UBE2QL1: variants seen among roughly 807,000 people sequenced by gnomAD.
UBE2QL1 encodes ubiquitin conjugating enzyme E2 QL1, also known as ubiquitin-conjugating enzyme E2Q-like protein 1.
UBE2QL1 carries 5 observed loss-of-function variants against 12.6 expected under a neutral mutation model. The ratio of observed to expected loss-of-function variants is 0.40; its 90% CI spans 0.21 to 0.83. The LOEUF (loss-of-function observed/expected upper bound fraction) is 0.83, where lower values mean the gene tolerates loss of function less well. Among genes scored for constraint, UBE2QL1 ranks in the 40% least tolerant of loss-of-function variants. The pLI is 0.37. For missense variants in UBE2QL1, 99 were observed against 222.6 expected (o/e 0.44, Z 3.53); for synonymous variants, 96 against 94.5 (o/e 1.02, Z -0.10).
chr5:6,486,935 G>C (rs1407582698), intron 1 of UBE2QL1, among the ~76,000 whole-genome samples: 1 of 152,138 alleles, frequency 6.6e-6, no homozygotes, highest in African/African-American at 2.4e-5. Flanking sequence ...CCTGGCCCAA[G>C]ATGCCAACAA....
At chr5:6,475,726 G>A (rs1734214854) in intron 1 of UBE2QL1, among the ~76,000 whole-genome samples, 3 of 152,076 alleles carry the variant, frequency 2.0e-5, no homozygotes, top group Middle Eastern at 6.8e-3. Context: ...TGCTGGAGGA[G>A]GCAGGGTCAT....
chr5:6,449,769 G>C (rs1338000076), intron 1 of UBE2QL1, among the ~76,000 whole-genome samples: 1 of 147,808 alleles, frequency 6.8e-6, no homozygotes, highest in Non-Finnish European at 1.5e-5. Context: ...TCTCTTGTCT[G>C]CTCCTCAATC....
rs149825299 is a variant in UBE2QL1, at chr5:6,465,069, C to T, written c.354+15822C>T. Reference sequence around the variant, plus strand: ...GTGCACAATCTCGGCTCATTGCAACCTCTGCCTCCTGGCTTTAAGCAATTT... The same window carrying T: ...GTGCACAATCTCGGCTCATTGCAACTTCTGCCTCCTGGCTTTAAGCAATTT... On this transcript the variant is annotated intron_variant, in intron 1 of 1. Transcript: ENST00000399816. Among the ~76,000 whole-genome samples, 42 of 151,986 alleles carry T rather than the reference C, an allele frequency of 2.8e-4. 1 individual carries two copies. Among genetic ancestry groups the T allele is most frequent in the African/African-American group, 9.2e-4 (38 of 41,420 alleles).
At chr5:6,473,940 C>T (rs573134679) in intron 1 of UBE2QL1, among the ~76,000 whole-genome samples, 132 of 152,320 alleles carry the variant, frequency 8.7e-4, no homozygotes, top group Middle Eastern at 3.4e-3. Flanking sequence ...GTTTTGATGA[C>T]TTACTTCTTA....
chr5:6,485,645 G>A (rs1734452750), intron 1 of UBE2QL1, among the ~76,000 whole-genome samples: 1 of 152,182 alleles, frequency 6.6e-6, no homozygotes, highest in South Asian at 2.1e-4. Flanking sequence ...AAAACAAGTA[G>A]CAGCTCTGTA....
chr5:6,485,254 C>G (rs1734442748), intron 1 of UBE2QL1, among the ~76,000 whole-genome samples: 1 of 152,202 alleles, frequency 6.6e-6, no homozygotes, highest in Non-Finnish European at 1.5e-5. Flanking sequence ...CTAGATCCAG[C>G]TGAAGTCCCC....
chr5:6,482,413 C>G (rs928418599), intron 1 of UBE2QL1, among the ~76,000 whole-genome samples: 1 of 152,206 alleles, frequency 6.6e-6, no homozygotes, highest in Non-Finnish European at 1.5e-5. Flanking sequence ...TCAGGATGCT[C>G]ACTGCCCACC....
intron 1 of UBE2QL1, among the ~76,000 whole-genome samples, chr5:6,451,744 T>C (rs1739416419): frequency 6.6e-6 from 1 of 152,232 alleles, no homozygotes; most frequent in Admixed American, 6.5e-5. Context: ...TGTTTTAGGA[T>C]TCTGTGCACA....
Position 6,488,256 on chromosome 5 carries a change from G to A in UBE2QL1, c.355-2962G>A, listed in dbSNP as rs77546148. Among the ~76,000 whole-genome samples the A allele has an allele frequency of 6.2e-3, 941 of 152,242 alleles. 2 individuals are homozygous for A. The highest frequency in any genetic ancestry group is 9.9e-3 in the Non-Finnish European group (671 of 68,024). On this transcript the variant is annotated intron_variant, in intron 1 of 1. Transcript: ENST00000399816. Reference sequence around the variant, plus strand: ...GAGTGGTCTGTTCCTCTGGGGTTTTGTTTGTTGTTTCTTGTAACAATTGAG... The same window carrying A: ...GAGTGGTCTGTTCCTCTGGGGTTTTATTTGTTGTTTCTTGTAACAATTGAG...
At chr5:6,487,609 A>G (rs1382152125) in intron 1 of UBE2QL1, among the ~76,000 whole-genome samples, 1 of 152,230 alleles carries the variant, frequency 6.6e-6, no homozygotes, top group African/African-American at 2.4e-5. Context: ...ATCTCAGACT[A>G]GATTCTTTGA....
chr5:6,449,876 C>CT (rs1739377730), intron 1 of UBE2QL1, among the ~76,000 whole-genome samples: 1 of 131,970 alleles, frequency 7.6e-6, no homozygotes, highest in Non-Finnish European at 1.6e-5. Flanking sequence ...CAACCCCCCC[C>CT]ACACACACAC....
intron 1 of UBE2QL1, among the ~76,000 whole-genome samples, chr5:6,483,875 C>T (rs1324650025): frequency 6.6e-6 from 1 of 152,130 alleles, no homozygotes; most frequent in Non-Finnish European, 1.5e-5. Context: ...GCCCTCAGAT[C>T]TGGTGGGATG....
chr5:6,462,336 G>A (rs1296892538), intron 1 of UBE2QL1, among the ~76,000 whole-genome samples: 1 of 152,202 alleles, frequency 6.6e-6, no homozygotes, highest in Admixed American at 6.5e-5. Context: ...AGCAAGGCAA[G>A]GCCCCCACCC....
chr5:6,489,400 G>A (rs1252701345), intron 1 of UBE2QL1, among the ~76,000 whole-genome samples: 1 of 151,526 alleles, frequency 6.6e-6, no homozygotes, highest in African/African-American at 2.4e-5. Context: ...CTCCAGCCTG[G>A]ATGACAGAGC....
chr5:6,474,063 T>C (rs976927773), intron 1 of UBE2QL1, among the ~76,000 whole-genome samples: 8 of 152,244 alleles, frequency 5.3e-5, no homozygotes, highest in African/African-American at 1.9e-4. Context: ...AGATTTTACT[T>C]TGAAAGTCCA....
intron 1 of UBE2QL1, among the ~76,000 whole-genome samples, chr5:6,467,910 AGATCACT>A (rs1185021627): frequency 6.6e-6 from 1 of 152,000 alleles, no homozygotes; most frequent in East Asian, 1.9e-4. Context: ...TTCCTTTTTC[AGATCACT>A]GTATCGCCTT....
rs1279903780 is a variant in UBE2QL1, at chr5:6,475,662, G to A, written c.355-15556G>A. 2.6e-5 allele frequency among the ~76,000 whole-genome samples: 4 copies of A among 151,744 alleles called. No homozygotes were observed. In the South Asian group the frequency reaches 6.3e-4, roughly 24 times the overall value. ...AGAAACCAGTGTGAGCCAAGGGAAG[G>A]GGTAGGAAGGCAGGGCCCGGGGGAA... On this transcript the variant is annotated intron_variant, in intron 1 of 1. Coordinates refer to ENST00000399816, the MANE Select transcript of UBE2QL1 (RefSeq NM_001145161.3).
Position 6,494,932 on chromosome 5 carries a change from G to A in UBE2QL1, c.*3583G>A, listed in dbSNP as rs776771131. The A allele has an allele frequency of 3.9e-5, 6 of 152,214 alleles. No individual in the cohort carries two copies. The highest frequency in any genetic ancestry group is 5.9e-5 in the Non-Finnish European group (4 of 68,052). The allele number at this position is 152,214 out of a possible 1,614,324, so 9.4% of individuals were successfully genotyped here. A position where few individuals can be genotyped will look rare whatever the true frequency, so the allele number is the denominator to read the frequency against. ...CTCAAAAGATAGGAATAGCGCACAG[G>A]CACCAGCACCAAGCAAGGCAAGTGC... On this transcript the variant is annotated 3_prime_UTR_variant, in exon 2 of 2. Transcript: ENST00000399816.
In UBE2QL1 at chr5:6,449,085, C is replaced by T. The variant is rs1383417766; in HGVS notation, c.192C>T (p.Phe64=). The part of the protein sequence containing the change: ...LNLTFPDNFP[F]SPPFMRVLSP... ...TCACCTTCCCCGACAACTTCCCCTT[C>T]TCGCCGCCCTTCATGCGGGTGCTCA... Residue 64 remains phenylalanine (F), a synonymous_variant, in exon 1 of 2, where the codon TTC becomes TTT. Coordinates refer to ENST00000399816, the MANE Select transcript of UBE2QL1 (RefSeq NM_001145161.3). 2.6e-6 allele frequency: 4 copies of T among 1,548,262 alleles called. No homozygotes were observed. In the South Asian group the frequency reaches 3.6e-5, roughly 14 times the overall value.
Sources: gnomAD v4.1 joint callset for allele counts (sites outside exome capture counted in the v4.1 genomes callset) on GRCh38, gnomAD v4.1.1 for gene constraint, MANE v1.5 for transcripts, NCBI Gene and HGNC (gene_info 2026-07-23, HGNC 2026-07-21) for gene names.